RIMS2: variants seen among roughly 807,000 people sequenced by gnomAD.
RIMS2 encodes the protein regulating synaptic membrane exocytosis 2.
A neutral mutation model predicts 174.4 loss-of-function variants in RIMS2; 59 were observed. The ratio of observed to expected loss-of-function variants is 0.34; its 90% CI spans 0.27 to 0.42. The LOEUF (loss-of-function observed/expected upper bound fraction) is 0.42. Among genes scored for constraint, RIMS2 ranks in the 10% least tolerant of loss-of-function variants. RIMS2 has a pLI of 1.00. For missense variants in RIMS2, 1,620 were observed against 1,666.3 expected (o/e 0.97, Z 0.48); for synonymous variants, 606 against 572.5 (o/e 1.06, Z -0.84).
intron 1 of RIMS2, among the ~76,000 whole-genome samples, chr8:103,589,790 G>T (rs780921805): frequency 7.9e-5 from 12 of 151,620 alleles, no homozygotes; most frequent in Non-Finnish European, 1.6e-4. Context: ...TAACATGGAC[G>T]GAACTGGAGA....
intron 1 of RIMS2, among the ~76,000 whole-genome samples, chr8:103,615,362 G>A (rs1204113477): frequency 1.3e-5 from 2 of 152,304 alleles, no homozygotes; most frequent in East Asian, 3.9e-4. Context: ...CAGAGTCTCT[G>A]AGACACAGCT....
intron 3 of RIMS2, among the ~76,000 whole-genome samples, chr8:103,781,759 T>G (rs1013176040): frequency 9.9e-6 from 1 of 100,860 alleles, no homozygotes; most frequent in Non-Finnish European, 2.1e-5. Flanking sequence ...TTTTTTTTTT[T>G]TTTTTGAGAC....
chr8:104,041,615 A>G (rs1191841770), intron 19 of RIMS2, among the ~76,000 whole-genome samples: 1 of 151,706 alleles, frequency 6.6e-6, no homozygotes, highest in African/African-American at 2.4e-5. Flanking sequence ...CTGAATAACT[A>G]AAGGCAAATA....
chr8:103,928,197 A>T (rs972613460), intron 11 of RIMS2, among the ~76,000 whole-genome samples: 1 of 151,596 alleles, frequency 6.6e-6, no homozygotes, highest in Non-Finnish European at 1.5e-5. Flanking sequence ...ATTTACAGAA[A>T]TAGCTAATTT....
At chr8:103,632,257 G>C (rs543335046) in intron 1 of RIMS2, among the ~76,000 whole-genome samples, 2 of 152,256 alleles carry the variant, frequency 1.3e-5, no homozygotes, top group Admixed American at 1.3e-4. Context: ...TGTTGGCTGT[G>C]GGTTTGTCAT....
At chr8:104,002,196 T>C (rs2095416443) in intron 17 of RIMS2, among the ~76,000 whole-genome samples, 1 of 152,098 alleles carries the variant, frequency 6.6e-6, no homozygotes, top group Non-Finnish European at 1.5e-5. Flanking sequence ...TTTTTTCTTA[T>C]TGTTTCATTA....
At chr8:104,188,233 A>AGATAGAT (rs1554594370) in intron 19 of RIMS2, among the ~76,000 whole-genome samples, 66 of 135,994 alleles carry the variant, frequency 4.9e-4, no homozygotes, top group African/African-American at 1.8e-3. Context: ...ATAGATAGAT[A>AGATAGAT]GATAGATAGA....
intron 19 of RIMS2, among the ~76,000 whole-genome samples, chr8:104,018,803 C>G (rs2096000550): frequency 6.6e-6 from 1 of 151,814 alleles, no homozygotes; most frequent in East Asian, 1.9e-4. Flanking sequence ...ATATTTTTTT[C>G]CTAAAATAAA....
chr8:104,082,167 A>G (rs187796778), intron 19 of RIMS2, among the ~76,000 whole-genome samples: 36 of 152,160 alleles, frequency 2.4e-4, no homozygotes, highest in Non-Finnish European at 3.7e-4. Context: ...AATAGTGAGT[A>G]AAGAAGGAAT....
chr8:103,854,525 ATGT>A (rs2099016466), intron 3 of RIMS2, among the ~76,000 whole-genome samples: 1 of 150,230 alleles, frequency 6.7e-6, no homozygotes, highest in Non-Finnish European at 1.5e-5. Context: ...ATTTTGAGAC[ATGT>A]TGTTTTGTTG....
At chr8:103,512,665 G>T (rs936096727) in intron 1 of RIMS2, among the ~76,000 whole-genome samples, 1 of 152,060 alleles carries the variant, frequency 6.6e-6, no homozygotes, top group Non-Finnish European at 1.5e-5. Flanking sequence ...ATCCTATCAT[G>T]TATAGAGGGA....
intron 8 of RIMS2, 70 bp from the exon 12 acceptor site, chr8:103,918,365 GATAATA>G (rs2076992815): frequency 2.3e-6 from 2 of 854,402 alleles, no homozygotes; most frequent in Non-Finnish European, 3.7e-6. Flanking sequence ...TTAATAGGTT[GATAATA>G]ATAAAAAATA....
At chr8:104,083,506 A>G (rs901009994) in intron 19 of RIMS2, among the ~76,000 whole-genome samples, 1 of 152,206 alleles carries the variant, frequency 6.6e-6, no homozygotes, top group African/African-American at 2.4e-5. Context: ...CATAAAAATC[A>G]TATAATCCAT....
intron 1 of RIMS2, among the ~76,000 whole-genome samples, chr8:103,651,772 C>T (rs937919515): frequency 5.9e-5 from 9 of 151,660 alleles, no homozygotes; most frequent in Non-Finnish European, 1.5e-5. Flanking sequence ...ATTTGTAAGA[C>T]TTTTAAAAAT....
intron 12 of RIMS2, 99 bp downstream of exon 14, chr8:103,931,492 A>G (rs925249352): frequency 1.0e-5 from 8 of 766,946 alleles, no homozygotes; most frequent in Non-Finnish European, 1.4e-5. Flanking sequence ...GTATCATACT[A>G]GTGAGATATG....
chr8:104,110,212 AT>A (rs1373152986), intron 19 of RIMS2, among the ~76,000 whole-genome samples: 14 of 152,308 alleles, frequency 9.2e-5, no homozygotes, highest in African/African-American at 3.4e-4. Context: ...ATTGCCCAGT[AT>A]TACATAAGTG....
intron 1 of RIMS2, among the ~76,000 whole-genome samples, chr8:103,514,122 C>G (rs756767105): frequency 6.6e-6 from 1 of 152,092 alleles, no homozygotes; most frequent in African/African-American, 2.4e-5. Context: ...TAGTACCATT[C>G]TAGAAGCATA....
At chr8:103,813,389 C>CTTCTTTCTTTCTTTCTTTGTTTCTTTCT in intron 3 of RIMS2, among the ~76,000 whole-genome samples, 1 of 147,380 alleles carries the variant, frequency 6.8e-6, no homozygotes, top group East Asian at 2.0e-4. Flanking sequence ...AGAATTTACA[C>CTTCTTTCTTTCTTTCTTTGTTTCTTTCT]TTCTTTCTTT....
Position 104,230,096 on chromosome 8 carries a change from A to G in RIMS2, c.3335-14820A>G, listed in dbSNP as rs1028208195. 3.5e-4 allele frequency among the ~76,000 whole-genome samples: 53 copies of G among 152,006 alleles called. 1 individual carries two copies. Among genetic ancestry groups the G allele is most frequent in the Non-Finnish European group, 7.4e-5 (5 of 67,982 alleles). ...GGAGTTCAAGACCAGCCTGACCAAC[A>G]TGGAGAAACCCTGTCTCTACTAAAA... is the stretch of plus-strand genomic sequence containing the variant. On this transcript the variant is annotated intron_variant, in intron 19 of 23. Transcript: ENST00000504942.
Sources: allele counts gnomAD v4.1 joint callset (sites outside exome capture counted in the v4.1 genomes callset), GRCh38; gene constraint gnomAD v4.1.1; transcripts MANE v1.5; gene names NCBI Gene and HGNC (gene_info 2026-07-23, HGNC 2026-07-21).